Variants in UBL3 observed in about 807,000 individuals in gnomAD.
UBL3 encodes the protein ubiquitin like 3.
Under a neutral mutation model 18.4 loss-of-function variants are expected in UBL3, and 6 were observed. The ratio of observed to expected loss-of-function variants is 0.33; its 90% CI spans 0.18 to 0.64. The LOEUF (loss-of-function observed/expected upper bound fraction) is 0.64. Among genes scored for constraint, UBL3 ranks in the 30% least tolerant of loss-of-function variants. The pLI is 0.76. For missense variants in UBL3, 109 were observed against 142.9 expected, an observed-to-expected ratio of 0.76 and a Z score of 1.21; for synonymous variants, 49 against 46.6, an observed-to-expected ratio of 1.05 and a Z score of -0.21.
At chr13:29,770,771 A>G (rs1232943370) in intron 3 of UBL3, among the ~76,000 whole-genome samples, 1 of 151,982 alleles carries the variant, frequency 6.6e-6, no homozygotes, top group Non-Finnish European at 1.5e-5. Flanking sequence ...CTAACAGTCA[A>G]TTCTTACATG....
At chr13:29,781,110 G>A (rs1877163557) in intron 1 of UBL3, among the ~76,000 whole-genome samples, 1 of 151,358 alleles carries the variant, frequency 6.6e-6, no homozygotes, top group South Asian at 2.1e-4. Flanking sequence ...CAGAGGCAGA[G>A]GTTGCAGTGA....
At chr13:29,801,809 A>G (rs1306766155) in intron 1 of UBL3, among the ~76,000 whole-genome samples, 1 of 152,108 alleles carries the variant, frequency 6.6e-6, no homozygotes, top group East Asian at 1.9e-4. Context: ...TGAGCCCACT[A>G]TGCAGCCACC....
chr13:29,786,191 C>T (rs988123924), intron 1 of UBL3, among the ~76,000 whole-genome samples: 2 of 152,268 alleles, frequency 1.3e-5, no homozygotes, highest in South Asian at 4.1e-4. Context: ...CTACTAAAGA[C>T]CAACTGACTC....
chr13:29,839,928 G>T (rs1879055547), intron 1 of UBL3, among the ~76,000 whole-genome samples: 1 of 143,642 alleles, frequency 7.0e-6, no homozygotes, highest in Non-Finnish European at 1.5e-5. Context: ...CTCCGTCTCG[G>T]GGGAAAAAAA....
chr13:29,811,858 T>G (rs1051767758), intron 1 of UBL3, among the ~76,000 whole-genome samples: 1 of 152,104 alleles, frequency 6.6e-6, no homozygotes, highest in Non-Finnish European at 1.5e-5. Flanking sequence ...TTTTGGTTGG[T>G]TGTTTTTGCA....
intron 1 of UBL3, among the ~76,000 whole-genome samples, chr13:29,790,791 T>C (rs1243370206): frequency 1.3e-5 from 2 of 152,172 alleles, no homozygotes; most frequent in African/African-American, 4.8e-5. Context: ...GGGAAGACTA[T>C]TCCTGCTTGT....
Position 29,766,929 on chromosome 13 carries a change from C to T in UBL3, c.*326G>A. ...ATTTGGAACACTTGATTTATTAGTT[C>T]TGATGATGAAAATTTTGTGGCAGCA... On this transcript the variant is annotated 3_prime_UTR_variant, in exon 5 of 5. Coordinates refer to ENST00000380680, the MANE Select transcript of UBL3 (RefSeq NM_007106.4). The T allele has an allele frequency of 4.7e-6, 1 of 210,652 alleles. No homozygotes were observed. Among genetic ancestry groups the T allele is most frequent in the Non-Finnish European group, 9.4e-6 (1 of 106,364 alleles). 13.0% of individuals were successfully genotyped at this position (210,652 alleles called of 1,614,324 possible).
intron 1 of UBL3, among the ~76,000 whole-genome samples, chr13:29,798,785 A>G (rs1450018840): frequency 6.6e-6 from 1 of 152,186 alleles, no homozygotes; most frequent in Non-Finnish European, 1.5e-5. Context: ...AAAACTATAG[A>G]TGCGTTTAAG....
chr13:29,807,886 A>AT (rs771556368), intron 1 of UBL3, among the ~76,000 whole-genome samples: 1 of 152,186 alleles, frequency 6.6e-6, no homozygotes, highest in Non-Finnish European at 1.5e-5. Flanking sequence ...CCACTTTTTA[A>AT]TATTTCCTTC....
intron 1 of UBL3, among the ~76,000 whole-genome samples, chr13:29,820,946 C>T (rs1250623541): frequency 6.6e-6 from 1 of 152,158 alleles, no homozygotes; most frequent in African/African-American, 2.4e-5. Flanking sequence ...GCTCTGGAAA[C>T]AGAATGCCAG....
intron 1 of UBL3, among the ~76,000 whole-genome samples, chr13:29,835,361 G>A (rs1878934758): frequency 2.0e-5 from 3 of 150,746 alleles, no homozygotes. Flanking sequence ...TACCCATGCA[G>A]ATGCAGAGAG....
intron 1 of UBL3, among the ~76,000 whole-genome samples, chr13:29,798,900 A>G (rs761200773): frequency 6.6e-6 from 1 of 152,196 alleles, no homozygotes; most frequent in Non-Finnish European, 1.5e-5. Context: ...CGGTCTCAGA[A>G]ATTGTGCTAA....
chr13:29,816,412 G>A (rs1000078232), intron 1 of UBL3, among the ~76,000 whole-genome samples: 1 of 152,054 alleles, frequency 6.6e-6, no homozygotes, highest in Admixed American at 6.5e-5. Flanking sequence ...GCTATGTGCT[G>A]AAGTAATCAG....
chr13:29,773,775 CA>C (rs1025710128), intron 2 of UBL3, among the ~76,000 whole-genome samples: 42 of 152,156 alleles, frequency 2.8e-4, no homozygotes, highest in African/African-American at 9.6e-4. Context: ...CTAAGTATAA[CA>C]AGATTTTTTT....
intron 1 of UBL3, among the ~76,000 whole-genome samples, chr13:29,783,037 G>C (rs147822664): frequency 6.6e-6 from 1 of 152,194 alleles, no homozygotes; most frequent in Admixed American, 6.5e-5. Context: ...GACTAGAAAG[G>C]TCAGAGCTGA....
chr13:29,824,703 T>G (rs1414211882), intron 1 of UBL3, among the ~76,000 whole-genome samples: 1 of 152,210 alleles, frequency 6.6e-6, no homozygotes, highest in Non-Finnish European at 1.5e-5. Flanking sequence ...AGAAGCTCTT[T>G]AGTTTAATTA....
intron 1 of UBL3, among the ~76,000 whole-genome samples, chr13:29,836,280 G>A (rs2139364436): frequency 6.6e-6 from 1 of 152,134 alleles, no homozygotes; most frequent in African/African-American, 2.4e-5. Flanking sequence ...AGTTTTAGCA[G>A]TTCTTAGCAA....
At chr13:29,784,478 T>C (rs1877257013) in intron 1 of UBL3, among the ~76,000 whole-genome samples, 1 of 152,082 alleles carries the variant, frequency 6.6e-6, no homozygotes, top group Non-Finnish European at 1.5e-5. Context: ...TTTGCCTTTC[T>C]ACTGCTCATT....
intron 1 of UBL3, among the ~76,000 whole-genome samples, chr13:29,817,755 G>C (rs1878322398): frequency 6.6e-6 from 1 of 152,092 alleles, no homozygotes; most frequent in Non-Finnish European, 1.5e-5. Flanking sequence ...TTGTGCGTGT[G>C]GTAAATCCCT....
Sources: allele counts gnomAD v4.1 joint callset (sites outside exome capture counted in the v4.1 genomes callset), GRCh38; gene constraint gnomAD v4.1.1; transcripts MANE v1.5; gene names NCBI Gene and HGNC (gene_info 2026-07-23, HGNC 2026-07-21).